FSTL5: variants seen among roughly 807,000 people sequenced by gnomAD.
FSTL5 encodes follistatin-related protein 5.
FSTL5 carries 62 observed loss-of-function variants against 89.1 expected under a neutral mutation model. The observed-to-expected ratio is 0.70, with a 90% CI of 0.57 to 0.86. The LOEUF (loss-of-function observed/expected upper bound fraction) is 0.86, where lower values mean the gene tolerates loss of function less well. Among genes scored for constraint, FSTL5 ranks in the 40% least tolerant of loss-of-function variants. The probability of loss-of-function intolerance (pLI) is 0.00; values close to 1 mark genes in which losing one functional copy is unlikely to be tolerated. For missense variants in FSTL5, 1,057 were observed against 1,001.6 expected (o/e 1.06, Z -0.75); for synonymous variants, 383 against 346.2 (o/e 1.11, Z -1.18).
At chr4:161,475,844 G>A (rs1232708840) in intron 13 of FSTL5, among the ~76,000 whole-genome samples, 1 of 151,272 alleles carries the variant, frequency 6.6e-6, no homozygotes, top group Admixed American at 6.6e-5. Flanking sequence ...CCGCTTCCTG[G>A]GTTCACACCA....
intron 4 of FSTL5, among the ~76,000 whole-genome samples, chr4:161,804,371 G>A (rs1729894073): frequency 6.6e-6 from 1 of 151,984 alleles, no homozygotes; most frequent in African/African-American, 2.4e-5. Flanking sequence ...GCCTACCACA[G>A]ATGTGTTCTG....
At chr4:161,780,099 T>C (rs1741606004) in intron 4 of FSTL5, among the ~76,000 whole-genome samples, 2 of 148,980 alleles carry the variant, frequency 1.3e-5, no homozygotes, top group African/African-American at 2.4e-5. Flanking sequence ...TAAAGAAAAA[T>C]GCTAGTGACT....
chr4:161,629,500 A>G (rs1241811755), intron 7 of FSTL5, among the ~76,000 whole-genome samples: 1 of 151,828 alleles, frequency 6.6e-6, no homozygotes, highest in African/African-American at 2.4e-5. Context: ...CTGCCACCAC[A>G]CCTGGCTAAG....
chr4:161,995,775 T>TGC (rs1736276478), intron 3 of FSTL5, among the ~76,000 whole-genome samples: 2 of 151,990 alleles, frequency 1.3e-5, no homozygotes, highest in African/African-American at 2.4e-5. Flanking sequence ...GAGTTTTTTT[T>TGC]TTTTTTTTAA....
chr4:161,942,386 C>A (rs1734612409), intron 3 of FSTL5, among the ~76,000 whole-genome samples: 1 of 151,444 alleles, frequency 6.6e-6, no homozygotes, highest in Admixed American at 6.6e-5. Context: ...GCTTGACTCA[C>A]TAAGAGAAAA....
intron 3 of FSTL5, among the ~76,000 whole-genome samples, chr4:161,929,509 G>A (rs755452442): frequency 2.5e-4 from 38 of 151,568 alleles, no homozygotes; most frequent in Admixed American, 4.0e-4. Context: ...AGTAAGCTGG[G>A]ATTTTCAATT....
At chr4:161,792,609 T>G (rs1182852468) in intron 4 of FSTL5, among the ~76,000 whole-genome samples, 1 of 151,990 alleles carries the variant, frequency 6.6e-6, no homozygotes, top group Admixed American at 6.5e-5. Context: ...TTCAGCCAAA[T>G]GTGAGAAGAT....
chr4:161,408,970 G>A (rs997185311), intron 15 of FSTL5, among the ~76,000 whole-genome samples: 1 of 152,154 alleles, frequency 6.6e-6, no homozygotes, highest in South Asian at 2.1e-4. Flanking sequence ...ATAGGAGAAA[G>A]AATAAATAAC....
At chr4:161,437,101 G>C (rs1447302652) in intron 15 of FSTL5, among the ~76,000 whole-genome samples, 1 of 152,050 alleles carries the variant, frequency 6.6e-6, no homozygotes, top group Non-Finnish European at 1.5e-5. Flanking sequence ...AATAGAAATT[G>C]GAGGCATTGG....
At chr4:161,880,927 A>AT (rs969172972) in intron 4 of FSTL5, among the ~76,000 whole-genome samples, 2 of 152,012 alleles carry the variant, frequency 1.3e-5, no homozygotes, top group African/African-American at 4.8e-5. Context: ...AGCAAAGGAA[A>AT]TTTTTTTGAG....
chr4:161,399,094 C>T (rs17397014), intron 15 of FSTL5, among the ~76,000 whole-genome samples: 14,624 of 151,916 alleles, frequency 0.096, 743 homozygotes, highest in Non-Finnish European at 0.12. Context: ...ATAAAATAAG[C>T]GAAGTCTGTG....
chr4:162,023,101 T>A (rs1737153088), intron 3 of FSTL5, among the ~76,000 whole-genome samples: 1 of 152,096 alleles, frequency 6.6e-6, no homozygotes, highest in African/African-American at 2.4e-5. Flanking sequence ...AAAAGAGACC[T>A]CTCATGGTCT....
At chr4:161,506,629 G>A (rs1028924069) in intron 11 of FSTL5, among the ~76,000 whole-genome samples, 4 of 151,972 alleles carry the variant, frequency 2.6e-5, no homozygotes, top group South Asian at 4.2e-4. Flanking sequence ...CTGTATTTTC[G>A]TCTGTATTTC....
At chr4:161,472,849 T>G (rs188794934) in intron 13 of FSTL5, among the ~76,000 whole-genome samples, 1 of 151,858 alleles carries the variant, frequency 6.6e-6, no homozygotes, top group Non-Finnish European at 1.5e-5. Context: ...CTCAGCCTCC[T>G]GAGTAGCTGG....
intron 1 of FSTL5, among the ~76,000 whole-genome samples, chr4:162,121,099 T>C (rs1346984950): frequency 6.6e-6 from 1 of 151,840 alleles, no homozygotes; most frequent in Non-Finnish European, 1.5e-5. Flanking sequence ...TGAATTTGTA[T>C]GTAAATATAC....
intron 3 of FSTL5, among the ~76,000 whole-genome samples, chr4:161,933,127 G>A (rs957735229): frequency 3.3e-5 from 5 of 151,982 alleles, no homozygotes; most frequent in Non-Finnish European, 7.4e-5. Context: ...CACGCATGGC[G>A]GGTTAGGTAT....
chr4:161,536,338 G>A (rs1322641831), intron 10 of FSTL5, among the ~76,000 whole-genome samples: 1 of 152,088 alleles, frequency 6.6e-6, no homozygotes. Flanking sequence ...CTCTTTCCAT[G>A]AAATTACTAG....
chr4:162,088,784 T>A (rs1241340421), intron 2 of FSTL5, among the ~76,000 whole-genome samples: 1 of 152,124 alleles, frequency 6.6e-6, no homozygotes. Context: ...TATAAATGAG[T>A]AACATTTATA....
intron 6 of FSTL5, among the ~76,000 whole-genome samples, chr4:161,673,982 T>C (rs1435968369): frequency 6.6e-6 from 1 of 151,992 alleles, no homozygotes; most frequent in Non-Finnish European, 1.5e-5. Flanking sequence ...AATCAAACAC[T>C]TTATTACATA....
Sources: gnomAD v4.1 joint callset for allele counts (sites outside exome capture counted in the v4.1 genomes callset) on GRCh38, gnomAD v4.1.1 for gene constraint, MANE v1.5 for transcripts, NCBI Gene and HGNC (gene_info 2026-07-23, HGNC 2026-07-21) for gene names.